PKP2: variants seen among roughly 807,000 people sequenced by gnomAD.
The protein encoded by PKP2 is plakophilin-2.
A neutral mutation model predicts 83.4 loss-of-function variants in PKP2; 73 were observed. The observed-to-expected ratio is 0.88, with a 90% CI of 0.72 to 1.06. PKP2 has a LOEUF of 1.06. PKP2 is among the 50% of genes least tolerant of loss of function. The pLI, the probability that PKP2 is intolerant of heterozygous loss-of-function variation, is 0.00. For missense variants in PKP2, 966 were observed against 1,065.4 expected, an observed-to-expected ratio of 0.91 and a Z score of 1.30; for synonymous variants, 409 against 430.4, an observed-to-expected ratio of 0.95 and a Z score of 0.62.
chr12:32,857,393 T>C (rs182568198), intron 4 of PKP2, among the ~76,000 whole-genome samples: 2,195 of 151,282 alleles, frequency 0.015, 26 homozygotes, highest in Non-Finnish European at 0.022. Context: ...GCTACTGCAC[T>C]CCAGCCTGGG....
intron 10 of PKP2, among the ~76,000 whole-genome samples, chr12:32,798,624 C>A (rs1956153042): frequency 6.6e-6 from 1 of 152,134 alleles, no homozygotes; most frequent in Non-Finnish European, 1.5e-5. Context: ...GCCAACTGAT[C>A]TTTGACAAAG....
intron 4 of PKP2, among the ~76,000 whole-genome samples, chr12:32,852,334 A>G (rs914919661): frequency 1.3e-5 from 2 of 152,160 alleles, no homozygotes; most frequent in Admixed American, 1.3e-4. Context: ...TTTTCTATGT[A>G]CCAAGTTCTA....
intron 1 of PKP2, among the ~76,000 whole-genome samples, chr12:32,888,090 G>C (rs1957045963): frequency 6.6e-6 from 1 of 152,176 alleles, no homozygotes; most frequent in South Asian, 2.1e-4. Flanking sequence ...GCTGAGGTGA[G>C]AGAATGGCTT....
At chr12:32,845,872 C>T (rs1210021889) in intron 5 of PKP2, among the ~76,000 whole-genome samples, 3 of 151,986 alleles carry the variant, frequency 2.0e-5, no homozygotes, top group Non-Finnish European at 4.4e-5. Flanking sequence ...CAAATCTTAA[C>T]TGGAATATCA....
chr12:32,805,904 A>T (rs930551789), intron 9 of PKP2, among the ~76,000 whole-genome samples: 19 of 152,218 alleles, frequency 1.2e-4, no homozygotes, highest in East Asian at 1.9e-4. Context: ...GCAGTAGTTT[A>T]TTGAGAGCTT....
chr12:32,861,974 T>C (rs933194822), intron 4 of PKP2, among the ~76,000 whole-genome samples: 2 of 152,178 alleles, frequency 1.3e-5, no homozygotes, highest in Non-Finnish European at 2.9e-5. Context: ...CTCAGCTTAC[T>C]GCAACCTTCG....
intron 4 of PKP2, among the ~76,000 whole-genome samples, chr12:32,866,307 C>T (rs1246932587): frequency 6.6e-6 from 1 of 151,998 alleles, no homozygotes; most frequent in African/African-American, 2.4e-5. Context: ...AATCCCATCA[C>T]TTTGGGAGGC....
At chr12:32,844,470 C>G (rs1383670110) in intron 5 of PKP2, among the ~76,000 whole-genome samples, 2 of 152,110 alleles carry the variant, frequency 1.3e-5, no homozygotes, top group Non-Finnish European at 2.9e-5. Flanking sequence ...CTAATGTACA[C>G]AGGAATCCAT....
At chr12:32,839,140 T>A (rs906813107) in intron 6 of PKP2, among the ~76,000 whole-genome samples, 1 of 152,102 alleles carries the variant, frequency 6.6e-6, no homozygotes, top group African/African-American at 2.4e-5. Context: ...AAAAAGGCTG[T>A]GTATGCTGTG....
At chr12:32,849,667 A>T (rs1956680110) in intron 5 of PKP2, among the ~76,000 whole-genome samples, 1 of 152,204 alleles carries the variant, frequency 6.6e-6, no homozygotes, top group South Asian at 2.1e-4. Flanking sequence ...CCTTCTCTTC[A>T]TGCTTAGAGG....
At chr12:32,874,964 G>A (rs1285517490) in intron 3 of PKP2, among the ~76,000 whole-genome samples, 1 of 152,030 alleles carries the variant, frequency 6.6e-6, no homozygotes, top group Non-Finnish European at 1.5e-5. Context: ...GCCCAAGCTG[G>A]TCTCAAACTC....
intron 6 of PKP2, among the ~76,000 whole-genome samples, chr12:32,832,243 T>C (rs1956506676): frequency 6.6e-6 from 1 of 152,052 alleles, no homozygotes. Context: ...CTGGGCGTGG[T>C]GGTGCGCACC....
chr12:32,827,397 G>A (rs1565582687), intron 6 of PKP2, among the ~76,000 whole-genome samples: 1 of 152,176 alleles, frequency 6.6e-6, no homozygotes, highest in Non-Finnish European at 1.5e-5. Flanking sequence ...TGAATGATAA[G>A]GGTAGATTAT....
intron 4 of PKP2, among the ~76,000 whole-genome samples, chr12:32,851,535 G>GT (rs1188757165): frequency 6.6e-6 from 1 of 151,954 alleles, no homozygotes; most frequent in Non-Finnish European, 1.5e-5. Context: ...GTGGCGGGAT[G>GT]TCGGCTCACT....
rs527475156 is a variant in PKP2 at position 32,792,518 on chromosome 12, G to C, written c.2446-26C>G. On this transcript the variant is annotated intron_variant, in intron 12 of 12. Transcript: ENST00000340811. The stretch of plus-strand genomic sequence containing the variant: ...CTTTGGAATAAGCAAACAGAAACGT[G>C]AAAGGTAACAAAACTGGCACACAAG... The C allele has an allele frequency of 1.4e-5, 23 of 1,604,152 alleles. No individual in the cohort carries two copies. In the South Asian group the frequency reaches 2.5e-4, roughly 18 times the overall value.
intron 3 of PKP2, among the ~76,000 whole-genome samples, chr12:32,871,345 G>C (rs1337723308): frequency 6.6e-6 from 1 of 152,010 alleles, no homozygotes; most frequent in Non-Finnish European, 1.5e-5. Flanking sequence ...TCAGGTGTGA[G>C]AGTGCAGTGA....
chr12:32,792,881 G>C, intron 11 of PKP2, 150 bp from the exon 12 acceptor site: 1 of 711,408 alleles, frequency 1.4e-6, no homozygotes, highest in Non-Finnish European at 2.6e-6. Context: ...CAGACAATTA[G>C]GCAGCAAGCT....
chr12:32,881,656 GTTA>G (rs1387762382), intron 1 of PKP2, among the ~76,000 whole-genome samples: 4 of 152,176 alleles, frequency 2.6e-5, no homozygotes, highest in South Asian at 2.1e-4. Flanking sequence ...TATTATTATT[GTTA>G]TTATTATTTT....
intron 6 of PKP2, among the ~76,000 whole-genome samples, chr12:32,839,731 T>C (rs965844491): frequency 1.3e-5 from 2 of 152,100 alleles, no homozygotes; most frequent in African/African-American, 4.8e-5. Flanking sequence ...CTGTTTTATG[T>C]GGTAAGGCAA....
Sources: gnomAD v4.1 joint callset for allele counts (sites outside exome capture counted in the v4.1 genomes callset) on GRCh38, gnomAD v4.1.1 for gene constraint, MANE v1.5 for transcripts, NCBI Gene and HGNC (gene_info 2026-07-23, HGNC 2026-07-21) for gene names.